The following SIPA1L1 variants were observed in gnomAD, a reference collection of about 807,000 sequenced individuals.
SIPA1L1 encodes signal-induced proliferation-associated 1-like protein 1.
In SIPA1L1, 26 loss-of-function variants were observed where a neutral mutation model predicts 162.7. The observed-to-expected ratio is 0.16, with a 90% confidence interval of 0.12 to 0.22. The LOEUF (loss-of-function observed/expected upper bound fraction) is 0.22. SIPA1L1 is among the 10% of genes least tolerant of loss of function. The pLI, the probability that SIPA1L1 is intolerant of heterozygous loss-of-function variation, is 1.00. For synonymous variants in SIPA1L1, 829 were observed against 837.4 expected (o/e 0.99, Z 0.17); for missense variants, 1,874 against 2,241.0 (o/e 0.84, Z 3.31).
chr14:71,680,594 A>G (rs1402277236), intron 12 of SIPA1L1, among the ~76,000 whole-genome samples: 1 of 152,238 alleles, frequency 6.6e-6, no homozygotes, highest in African/African-American at 2.4e-5. Context: ...GAAGATCTGA[A>G]GGAGATAGAG....
chr14:71,557,443 G>A (rs182711178), intron 4 of SIPA1L1, among the ~76,000 whole-genome samples: 60 of 152,200 alleles, frequency 3.9e-4, no homozygotes, highest in African/African-American at 1.4e-3. Context: ...TGAGAATTAG[G>A]AGCACTTTGC....
chr14:71,716,839 T>G lies in SIPA1L1; in HGVS notation c.4209-6808T>G, dbSNP rs1380839710. ...TGTACACGTGATCCATGGTTTCATT[T>G]GAGCATCAGGTCAAGATGAGAAGTT... On this transcript the variant is annotated intron_variant, in intron 17 of 23. Coordinates refer to ENST00000381232, the MANE Select transcript of SIPA1L1 (RefSeq NM_001386936.1). Among the ~76,000 whole-genome samples the G allele has an allele frequency of 3.9e-5, 6 of 152,270 alleles. No homozygotes were observed. The South Asian group carries it at 1.2e-3, about 32-fold the overall frequency.
At chr14:71,558,236 G>A (rs929435530) in intron 4 of SIPA1L1, among the ~76,000 whole-genome samples, 2 of 152,208 alleles carry the variant, frequency 1.3e-5, no homozygotes, top group African/African-American at 4.8e-5. Context: ...TCAGGGCACG[G>A]ACTTAAAATT....
chr14:71,583,830 G>A (rs919618898), intron 4 of SIPA1L1, among the ~76,000 whole-genome samples: 5 of 152,152 alleles, frequency 3.3e-5, no homozygotes, highest in African/African-American at 1.2e-4. Flanking sequence ...GGAGGTAACA[G>A]CATAGAGATG....
intron 2 of SIPA1L1, among the ~76,000 whole-genome samples, chr14:71,469,479 C>T (rs2047279673): frequency 1.3e-5 from 2 of 152,090 alleles, no homozygotes; most frequent in South Asian, 2.1e-4. Flanking sequence ...CTTAACCCAT[C>T]CCCAAGTGCA....
intron 2 of SIPA1L1, among the ~76,000 whole-genome samples, chr14:71,453,185 T>C (rs1211571955): frequency 6.6e-6 from 1 of 152,216 alleles, no homozygotes; most frequent in Non-Finnish European, 1.5e-5. Context: ...AGTGCAGTAA[T>C]TGTCTTCAGA....
At position 71,519,194 on chromosome 14, in the gene SIPA1L1, G is replaced by A. The variant is rs535990978; in HGVS notation, c.-362+6349G>A. ...ACCTGTAGTCCCAGCTACTTGGGAG[G>A]CTGTGGTGGGAGGATCACTTGAGCC... On this transcript the variant is annotated intron_variant, in intron 3 of 23. Coordinates refer to ENST00000381232, the MANE Select transcript of SIPA1L1 (RefSeq NM_001386936.1). 4.5e-3 allele frequency among the ~76,000 whole-genome samples: 686 copies of A among 152,254 alleles called. 4 individuals carry two copies. Among genetic ancestry groups the A allele is most frequent in the Non-Finnish European group, 7.0e-3 (478 of 68,012 alleles).
At chr14:71,456,133 G>C (rs1446973492) in intron 2 of SIPA1L1, among the ~76,000 whole-genome samples, 2 of 152,180 alleles carry the variant, frequency 1.3e-5, no homozygotes, top group African/African-American at 4.8e-5. Flanking sequence ...CCCTGGTGTT[G>C]AGATATTTCT....
At chr14:71,423,006 A>T (rs1048948514) in intron 2 of SIPA1L1, among the ~76,000 whole-genome samples, 1 of 152,098 alleles carries the variant, frequency 6.6e-6, no homozygotes. Flanking sequence ...TGGTTTTTTG[A>T]TAGTTGCCAT....
intron 3 of SIPA1L1, among the ~76,000 whole-genome samples, chr14:71,525,378 T>C (rs2145087584): frequency 6.6e-6 from 1 of 152,244 alleles, no homozygotes; most frequent in South Asian, 2.1e-4. Context: ...AGAGACAGGG[T>C]TTCACTGTGT....
chr14:71,590,490 A>G (rs1367542238), intron 5 of SIPA1L1, among the ~76,000 whole-genome samples: 1 of 152,166 alleles, frequency 6.6e-6, no homozygotes, highest in African/African-American at 2.4e-5. Flanking sequence ...AGTTTCAAAT[A>G]TAGTACTCAT....
chr14:71,709,722 C>T, intron 17 of SIPA1L1, 58 bp downstream of exon 17: 3 of 1,444,758 alleles, frequency 2.1e-6, no homozygotes, highest in Non-Finnish European at 2.8e-6. Flanking sequence ...AGTTCCCTGG[C>T]CTCAGCCCAC....
intron 3 of SIPA1L1, among the ~76,000 whole-genome samples, chr14:71,525,964 C>G (rs1185693711): frequency 6.6e-6 from 1 of 152,190 alleles, no homozygotes; most frequent in Admixed American, 6.5e-5. Context: ...CCTGTGTACG[C>G]TATCTAATCA....
chr14:71,737,360 A>G (rs1318821471), intron 22 of SIPA1L1, among the ~76,000 whole-genome samples: 1 of 152,066 alleles, frequency 6.6e-6, no homozygotes, highest in African/African-American at 2.4e-5. Flanking sequence ...GAGGCTCTGC[A>G]TGTTTTCCCG....
chr14:71,622,967 A>G lies in SIPA1L1; in HGVS notation c.1630-1081A>G, dbSNP rs915191616. Among the ~76,000 whole-genome samples the G allele has an allele frequency of 2.6e-5, 4 of 151,906 alleles. No homozygotes were observed. The South Asian group carries it at 6.2e-4, about 24-fold the overall frequency. On this transcript the variant is annotated intron_variant, in intron 6 of 23. Coordinates refer to ENST00000381232, the MANE Select transcript of SIPA1L1 (RefSeq NM_001386936.1). ...TTCCCACTTACTCCCTTTTTTCCCA[A>G]TCTCCATACCTTTGCTCATGTTGTC...
chr14:71,637,097 T>A lies in SIPA1L1; in HGVS notation c.1818+12861T>A, dbSNP rs547896090. On this transcript the variant is annotated intron_variant, in intron 7 of 23. Coordinates refer to ENST00000381232, the MANE Select transcript of SIPA1L1 (RefSeq NM_001386936.1). ...TACATCTTTGGGGTTTAAAAAAAAA[T>A]TTTTTTTTTTTCATAAAACCCAGAT... Among the ~76,000 whole-genome samples, 59 of 55,420 alleles carry A rather than the reference T, an allele frequency of 1.1e-3. No individual in the cohort carries two copies. The East Asian group carries it at 0.014, about 13-fold the overall frequency. The allele number at this position is 55,420 out of a possible 152,430, so 36.4% of individuals were successfully genotyped here. A position where few individuals can be genotyped will look rare whatever the true frequency, so the allele number is the denominator to read the frequency against.
chr14:71,429,076 G>T (rs548934039), intron 2 of SIPA1L1, among the ~76,000 whole-genome samples: 9 of 152,204 alleles, frequency 5.9e-5, no homozygotes, highest in African/African-American at 1.9e-4. Context: ...CCCAGAACCT[G>T]CTCCTCAATT....
chr14:71,489,459 C>G (rs770121836), intron 2 of SIPA1L1, among the ~76,000 whole-genome samples: 21 of 151,982 alleles, frequency 1.4e-4, no homozygotes, highest in Non-Finnish European at 2.4e-4. Flanking sequence ...GGATATTTTC[C>G]AGTTTGACTA....
intron 2 of SIPA1L1, among the ~76,000 whole-genome samples, chr14:71,391,263 G>T (rs1175670103): frequency 1.3e-5 from 2 of 151,798 alleles, no homozygotes; most frequent in Non-Finnish European, 2.9e-5. Flanking sequence ...CCCGCCACAC[G>T]CCCGGCTAAT....
Sources: allele counts gnomAD v4.1 joint callset (sites outside exome capture counted in the v4.1 genomes callset), GRCh38; gene constraint gnomAD v4.1.1; transcripts MANE v1.5; gene names NCBI Gene and HGNC (gene_info 2026-07-23, HGNC 2026-07-21).